MAP4K5: variants seen among roughly 807,000 people sequenced by gnomAD.
The protein encoded by MAP4K5 is mitogen-activated protein kinase kinase kinase kinase 5, also known as MAPK/ERK kinase kinase kinase 5.
A neutral mutation model predicts 135.6 loss-of-function variants in MAP4K5; 82 were observed. That is an observed-to-expected ratio of 0.60 (90% CI 0.51 to 0.73). The LOEUF is 0.73. Among genes scored for constraint, MAP4K5 ranks in the 30% least tolerant of loss-of-function variants. MAP4K5 has a pLI of 0.00. For synonymous variants in MAP4K5, 347 were observed against 335.0 expected, an observed-to-expected ratio of 1.04 and a Z score of -0.39; for missense variants, 907 against 1,010.9, an observed-to-expected ratio of 0.90 and a Z score of 1.39.
intron 23 of MAP4K5, 65 bp downstream of exon 23, chr14:50,439,948 T>A: frequency 7.6e-7 from 1 of 1,312,912 alleles, no homozygotes; most frequent in Non-Finnish European, 1.0e-6. Flanking sequence ...CATTTAAAAA[T>A]GGTGTATATT....
In MAP4K5 at chr14:50,434,512, T is replaced by C. The variant is rs771793088; in HGVS notation, c.2046A>G (p.Glu682=). The change falls in exon 28 of 33, where the codon GAA becomes GAG. Residue 682 remains glutamate (E), a synonymous_variant. Coordinates refer to ENST00000682126, the MANE Select transcript of MAP4K5 (RefSeq NM_006575.6). ...CTACACAGACCATAGGGTATTCCTGTTCAGGTATCACCAGCATTTCAAAAA... is the reference window on the plus strand; with the variant it reads ...CTACACAGACCATAGGGTATTCCTGCTCAGGTATCACCAGCATTTCAAAAA... ...LNVFEMLVIP[E]QEYPMVCVAI... is the part of the protein sequence containing the mutation. 4 of 1,606,388 alleles carry C rather than the reference T, an allele frequency of 2.5e-6. No homozygotes were observed. Among genetic ancestry groups the C allele is most frequent in the Non-Finnish European group, 3.4e-6 (4 of 1,176,200 alleles).
intron 26 of MAP4K5, 48 bp from the exon 27 acceptor site, chr14:50,435,113 G>C: frequency 1.1e-6 from 1 of 920,536 alleles, no homozygotes; most frequent in Non-Finnish European, 1.7e-6. Flanking sequence ...TCAAAATACT[G>C]AATACTTTCA....
In MAP4K5 at chr14:50,435,077, T is replaced by A. The variant is rs758118398; in HGVS notation, c.1883-12A>T. 3 of 1,487,952 alleles carry A rather than the reference T, an allele frequency of 2.0e-6. No individual in the cohort carries two copies. Among genetic ancestry groups the A allele is most frequent in the African/African-American group, 2.8e-5 (2 of 72,212 alleles). The allele number at this position is 1,487,952 out of a possible 1,614,324, so 92.2% of individuals were successfully genotyped here. On this transcript the variant is annotated splice_polypyrimidine_tract_variant and intron_variant, in intron 26 of 32. Coordinates refer to ENST00000682126, the MANE Select transcript of MAP4K5 (RefSeq NM_006575.6). ...GTAAGGGTTTCTGACTGGAAAGAAATAAACAAACAAAAAACCCAGACACAC... is the reference window on the plus strand; with the variant it reads ...GTAAGGGTTTCTGACTGGAAAGAAAAAAACAAACAAAAAACCCAGACACAC...
intron 21 of MAP4K5, among the ~76,000 whole-genome samples, chr14:50,442,415 A>G (rs898149434): frequency 2.6e-5 from 4 of 152,174 alleles, no homozygotes; most frequent in African/African-American, 4.8e-5. Context: ...AAACAAGGTT[A>G]TCTATAATTC....
At chr14:50,466,544 A>C (rs1051727951) in intron 11 of MAP4K5, 39 bp downstream of exon 11, 5 of 1,025,302 alleles carry the variant, frequency 4.9e-6, no homozygotes, top group Non-Finnish European at 7.4e-6. Context: ...ACTCCTTTCG[A>C]TTGTAAAATT....
chr14:50,437,543 G>C lies in MAP4K5; in HGVS notation c.1824-9C>G. ...TTGTTAAAGCGAATTTTCTGAAAAC[G>C]TAAGACGATATAAATGCACTCTACA... On this transcript the variant is annotated splice_polypyrimidine_tract_variant and intron_variant, in intron 25 of 32. Coordinates refer to ENST00000682126, the MANE Select transcript of MAP4K5 (RefSeq NM_006575.6). 6.3e-7 allele frequency: 1 copy of C among 1,583,158 alleles called. No individual in the cohort carries two copies. The highest frequency in any genetic ancestry group is 8.6e-7 in the Non-Finnish European group (1 of 1,163,068).
intron 13 of MAP4K5, among the ~76,000 whole-genome samples, chr14:50,459,610 T>C (rs567878821): frequency 6.6e-6 from 1 of 152,192 alleles, no homozygotes; most frequent in Non-Finnish European, 1.5e-5. Context: ...TACAGTTTGA[T>C]AGACAGTATC....
At chr14:50,484,202 TAAGA>T (rs1160236012) in intron 5 of MAP4K5, among the ~76,000 whole-genome samples, 1 of 152,190 alleles carries the variant, frequency 6.6e-6, no homozygotes, top group Non-Finnish European at 1.5e-5. Context: ...TCCACATGCC[TAAGA>T]AATAGCCTAA....
chr14:50,463,490 GTTTA>G lies in MAP4K5; in HGVS notation c.819+558_819+561del, dbSNP rs546304735. Reference sequence around the variant, plus strand: ...AAAACTATACCCACATATATACACTGTTTATGGCTGCTTCTGGGCTATAATGGCA... The same window carrying G: ...AAAACTATACCCACATATATACACTGTGGCTGCTTCTGGGCTATAATGGCA... On this transcript the variant is annotated intron_variant, in intron 12 of 32. Transcript: ENST00000682126. 2.2e-3 allele frequency among the ~76,000 whole-genome samples: 339 copies of G among 152,230 alleles called. 1 individual carries two copies. The highest frequency in any genetic ancestry group is 3.7e-3 in the Non-Finnish European group (251 of 68,030).
chr14:50,488,642 T>C (rs1036205849), intron 3 of MAP4K5, among the ~76,000 whole-genome samples: 7 of 152,162 alleles, frequency 4.6e-5, no homozygotes, highest in Admixed American at 1.3e-4. Context: ...GTAGTTTGAG[T>C]TCTGGGTTCC....
chr14:50,428,757 T>TAAAAAA lies in MAP4K5; in HGVS notation c.2234-9_2234-4dup. The TAAAAAA allele has an allele frequency of 1.8e-6, 2 of 1,100,114 alleles. No homozygotes were observed. Among genetic ancestry groups the TAAAAAA allele is most frequent in the Non-Finnish European group, 2.5e-6 (2 of 811,294 alleles). 68.1% of individuals were successfully genotyped at this position (1,100,114 alleles called of 1,614,324 possible). ...TAGATTTACAATTTTCACAAATTCTTAAAAAAAAAAAACAAGTCAAGACTG... is the reference window on the plus strand; with the variant it reads ...TAGATTTACAATTTTCACAAATTCTTAAAAAAAAAAAAAAAAAACAAGTCAAGACTG... On this transcript the variant is annotated splice_region_variant and splice_polypyrimidine_tract_variant and intron_variant, in intron 29 of 32. Transcript: ENST00000682126.
At chr14:50,463,828 C>G (rs752412633) in intron 12 of MAP4K5, among the ~76,000 whole-genome samples, 129 of 123,056 alleles carry the variant, frequency 1.0e-3, no homozygotes, top group Admixed American at 9.4e-3. Context: ...GGGGTGGAGG[C>G]TGCAGTGAGC....
chr14:50,421,510 C>T (rs1278080162), intron 32 of MAP4K5, among the ~76,000 whole-genome samples: 4 of 151,908 alleles, frequency 2.6e-5, no homozygotes, highest in African/African-American at 4.8e-5. Flanking sequence ...GATCCACCTG[C>T]GTCGGCCTCC....
At chr14:50,462,848 C>T in intron 12 of MAP4K5, 67 bp from the exon 13 acceptor site, 1 of 903,138 alleles carries the variant, frequency 1.1e-6, no homozygotes, top group Non-Finnish European at 1.8e-6. Flanking sequence ...AAAATGCTAT[C>T]TTCATTTTTT....
intron 1 of MAP4K5, among the ~76,000 whole-genome samples, chr14:50,545,163 A>G (rs2140151598): frequency 6.6e-6 from 1 of 152,286 alleles, no homozygotes; most frequent in East Asian, 1.9e-4. Context: ...CAGTAGGCAA[A>G]GAGCCAGAAA....
rs533394351 is a variant in MAP4K5, at chr14:50,515,240, TCA to T, written c.109-10385_109-10384del. Among the ~76,000 whole-genome samples, 11 of 152,296 alleles carry T rather than the reference TCA, an allele frequency of 7.2e-5. No individual in the cohort carries two copies. The South Asian group carries it at 1.9e-3, about 26-fold the overall frequency. ...CTTTTAAGATTTTATGACCCCTGGT[TCA>T]CAGTTTCCTCTCTATCCTTTCTCTT... On this transcript the variant is annotated intron_variant, in intron 2 of 32. Transcript: ENST00000682126.
chr14:50,509,905 A>C (rs1276055196), intron 2 of MAP4K5, among the ~76,000 whole-genome samples: 1 of 152,220 alleles, frequency 6.6e-6, no homozygotes, highest in Non-Finnish European at 1.5e-5. Flanking sequence ...ATTGAGAAGA[A>C]AGATTTAAGT....
At position 50,440,361 on chromosome 14, in the gene MAP4K5, C is replaced by T; in HGVS notation, c.1644+1G>A. 6.4e-7 allele frequency: 1 copy of T among 1,573,504 alleles called. No homozygotes were observed. Among genetic ancestry groups the T allele is most frequent in the Non-Finnish European group, 8.7e-7 (1 of 1,149,272 alleles). On this transcript the variant is annotated splice_donor_variant, in intron 22 of 32. Coordinates refer to ENST00000682126, the MANE Select transcript of MAP4K5 (RefSeq NM_006575.6). LOFTEE classifies it high-confidence loss of function. ...TTTCTTGAATTAAAATGCCTAATTACCTGTTCCATCGTTGCCTCATGTAGC... is the reference window on the plus strand; with the variant it reads ...TTTCTTGAATTAAAATGCCTAATTATCTGTTCCATCGTTGCCTCATGTAGC...
At chr14:50,426,297 T>A (rs2035845553) in intron 30 of MAP4K5, among the ~76,000 whole-genome samples, 1 of 152,208 alleles carries the variant, frequency 6.6e-6, no homozygotes, top group East Asian at 1.9e-4. Flanking sequence ...CTTAAATGAA[T>A]AAAATCATAA....
Sources: gnomAD v4.1 joint callset for allele counts (sites outside exome capture counted in the v4.1 genomes callset) on GRCh38, gnomAD v4.1.1 for gene constraint, MANE v1.5 for transcripts, NCBI Gene and HGNC (gene_info 2026-07-23, HGNC 2026-07-21) for gene names.